Variants in CNOT6 observed in about 807,000 individuals in gnomAD.
The protein encoded by CNOT6 is CCR4-NOT transcription complex subunit 6.
Under a neutral mutation model 61.2 loss-of-function variants are expected in CNOT6, and 12 were observed. The ratio of observed to expected loss-of-function variants is 0.20; its 90% CI spans 0.13 to 0.32. The LOEUF is 0.32. Among genes scored for constraint, CNOT6 ranks in the 10% least tolerant of loss-of-function variants. The pLI is 1.00. For synonymous variants in CNOT6, 225 were observed against 240.6 expected, an observed-to-expected ratio of 0.94 and a Z score of 0.60; for missense variants, 405 against 663.9, an observed-to-expected ratio of 0.61 and a Z score of 4.28.
intron 3 of CNOT6, 65 bp downstream of exon 3, chr5:180,550,182 C>A: frequency 7.6e-7 from 1 of 1,315,514 alleles, no homozygotes; most frequent in Non-Finnish European, 1.1e-6. Flanking sequence ...AGGCCGGGCG[C>A]AGTGGCTTAT....
chr5:180,546,693 C>A (rs537963159), intron 2 of CNOT6, among the ~76,000 whole-genome samples: 1 of 152,104 alleles, frequency 6.6e-6, no homozygotes, highest in Non-Finnish European at 1.5e-5. Context: ...TTCTGGTGTT[C>A]GTTTCTGTTA....
Position 180,564,382 on chromosome 5 carries a change from A to G in CNOT6, c.386-107A>G, listed in dbSNP as rs530849080. The G allele has an allele frequency of 8.8e-5, 62 of 707,162 alleles. 1 individual carries two copies. In the African/African-American group the frequency reaches 1.0e-3, roughly 12 times the overall value. The allele number at this position is 707,162 out of a possible 1,614,324, so 43.8% of individuals were successfully genotyped here. On this transcript the variant is annotated intron_variant, in intron 4 of 11. Transcript: ENST00000261951. The stretch of plus-strand genomic sequence containing the variant: ...ATTTTCTATAGTCTGACATCTTACT[A>G]GTAACTATAACATAGTTATGGATGA...
At chr5:180,564,884 T>C in intron 6 of CNOT6, 141 bp downstream of exon 6, 2 of 659,530 alleles carry the variant, frequency 3.0e-6, no homozygotes, top group South Asian at 3.9e-5. Context: ...TAAAAAAGAA[T>C]TCTTGCTCAC....
chr5:180,497,345 A>T (rs1328470874), intron 1 of CNOT6, among the ~76,000 whole-genome samples: 1 of 148,096 alleles, frequency 6.8e-6, no homozygotes, highest in African/African-American at 2.5e-5. Flanking sequence ...AAAAAAAAGT[A>T]TGCATTTTGG....
intron 2 of CNOT6, among the ~76,000 whole-genome samples, chr5:180,549,574 G>A (rs1360870914): frequency 2.0e-5 from 3 of 151,980 alleles, no homozygotes; most frequent in East Asian, 1.9e-4. Flanking sequence ...GCATGAACCC[G>A]GGAGGCGGAG....
intron 2 of CNOT6, among the ~76,000 whole-genome samples, chr5:180,535,121 C>T (rs1481945507): frequency 6.6e-6 from 1 of 152,268 alleles, no homozygotes; most frequent in African/African-American, 2.4e-5. Flanking sequence ...AGAAGATGTG[C>T]TCACTGATTC....
chr5:180,569,423 T>A, intron 10 of CNOT6, 83 bp downstream of exon 10: 1 of 1,130,796 alleles, frequency 8.8e-7, no homozygotes, highest in Non-Finnish European at 1.3e-6. Flanking sequence ...CATTCCAAAT[T>A]AAGTCCAAAT....
chr5:180,571,185 CT>C lies in CNOT6; in HGVS notation c.1259-40del, dbSNP rs1760728641. On this transcript the variant is annotated intron_variant, in intron 10 of 11. Transcript: ENST00000261951. The stretch of plus-strand genomic sequence containing the variant: ...ACTATTGCATGATCTTTTAAAATTA[CT>C]TTTTGTATATATTTGACAATAAAAA... The C allele has an allele frequency of 2.3e-6, 3 of 1,327,310 alleles. No homozygotes were observed. The South Asian group carries it at 3.7e-5, about 17-fold the overall frequency. 82.2% of individuals were successfully genotyped at this position (1,327,310 alleles called of 1,614,324 possible).
chr5:180,550,789 C>G (rs1328352031), intron 3 of CNOT6, among the ~76,000 whole-genome samples: 11 of 152,114 alleles, frequency 7.2e-5, no homozygotes, highest in African/African-American at 2.7e-4. Flanking sequence ...GTTGGTGAAA[C>G]CTTTTTGCCA....
At chr5:180,522,249 C>G (rs1255028364) in intron 1 of CNOT6, among the ~76,000 whole-genome samples, 1 of 152,014 alleles carries the variant, frequency 6.6e-6, no homozygotes, top group East Asian at 1.9e-4. Flanking sequence ...GTAGCTGGGA[C>G]CACAGGTACA....
intron 1 of CNOT6, among the ~76,000 whole-genome samples, chr5:180,502,206 A>G (rs72811145): frequency 0.019 from 2,879 of 152,272 alleles, 38 homozygotes; most frequent in Non-Finnish European, 0.027. Context: ...CCCCTGATCT[A>G]TTGGTTGAAA....
rs1478466459 is a variant in CNOT6 at position 180,571,386 on chromosome 5, A to G, written c.1415A>G (p.Tyr472Cys). ...ITHGFKLQSA[Y>C]ESGLMPYTNY... ...CATGGTTTCAAGTTACAGAGTGCCT[A>G]TGAGAGTGGCCTGATGCCTTACACG... Residue 472 changes from tyrosine to cysteine, a missense_variant, in exon 11 of 12, where the codon TAT (tyrosine) becomes TGT (cysteine). Coordinates refer to ENST00000261951, the MANE Select transcript of CNOT6 (RefSeq NM_001370472.1). 2 of 1,614,074 alleles carry G rather than the reference A, an allele frequency of 1.2e-6. No homozygotes were observed. The highest frequency in any genetic ancestry group is 8.5e-7 in the Non-Finnish European group (1 of 1,180,012).
chr5:180,541,636 T>G (rs1280663088), intron 2 of CNOT6, among the ~76,000 whole-genome samples: 1 of 151,214 alleles, frequency 6.6e-6, no homozygotes, highest in African/African-American at 2.4e-5. Flanking sequence ...GTATTTTTAG[T>G]GAAGACGGGG....
At chr5:180,554,021 A>T (rs1342005062) in intron 4 of CNOT6, among the ~76,000 whole-genome samples, 1 of 152,242 alleles carries the variant, frequency 6.6e-6, no homozygotes, top group Non-Finnish European at 1.5e-5. Flanking sequence ...ATGCCTATAA[A>T]TTTTTTATCA....
rs1215460893 is a variant in CNOT6, at chr5:180,577,316, C to T, written c.*3116C>T. ...AAATGTTTAAATTAAAATTTCAAAG[C>T]TCTTTCGAGATTCAGGTTCTCAATA... On this transcript the variant is annotated 3_prime_UTR_variant, in exon 12 of 12. Transcript: ENST00000261951. 6.6e-6 allele frequency: 1 copy of T among 152,510 alleles called. No individual in the cohort carries two copies. The highest frequency in any genetic ancestry group is 1.5e-5 in the Non-Finnish European group (1 of 68,016). The allele number at this position is 152,510 out of a possible 1,614,324, so 9.4% of individuals were successfully genotyped here. A position where few individuals can be genotyped will look rare whatever the true frequency, so the allele number is the denominator to read the frequency against.
Position 180,577,431 on chromosome 5 carries a change from A to G in CNOT6, c.*3231A>G, listed in dbSNP as rs1581583329. ...GACTTGTAAGGTTTTGGGGTCATAT[A>G]TAAGGACTAAAGCCAAGCTAGGCAA... On this transcript the variant is annotated 3_prime_UTR_variant, in exon 12 of 12. Coordinates refer to ENST00000261951, the MANE Select transcript of CNOT6 (RefSeq NM_001370472.1). 1 of 152,746 alleles carries G rather than the reference A, an allele frequency of 6.5e-6. No homozygotes were observed. The highest frequency in any genetic ancestry group is 1.9e-4 in the East Asian group (1 of 5,190). The allele number at this position is 152,746 out of a possible 1,614,324, so 9.5% of individuals were successfully genotyped here. A position where few individuals can be genotyped will look rare whatever the true frequency, so the allele number is the denominator to read the frequency against.
intron 1 of CNOT6, among the ~76,000 whole-genome samples, chr5:180,505,123 T>A (rs963145380): frequency 2.6e-4 from 39 of 150,274 alleles, no homozygotes; most frequent in African/African-American, 6.1e-4. Context: ...CACACCCAGC[T>A]AATTTTTTTT....
chr5:180,544,762 C>T (rs1759227588), intron 2 of CNOT6, among the ~76,000 whole-genome samples: 1 of 152,164 alleles, frequency 6.6e-6, no homozygotes. Context: ...TAGGCATACC[C>T]TTCCCCTCTC....
At chr5:180,564,846 T>A in intron 6 of CNOT6, 103 bp downstream of exon 6, 1 of 883,670 alleles carries the variant, frequency 1.1e-6, no homozygotes, top group Non-Finnish European at 1.8e-6. Flanking sequence ...AGACAAAATG[T>A]TTAAGGTTGG....
Sources: gnomAD v4.1 joint callset for allele counts (sites outside exome capture counted in the v4.1 genomes callset) on GRCh38, gnomAD v4.1.1 for gene constraint, MANE v1.5 for transcripts, NCBI Gene and HGNC (gene_info 2026-07-23, HGNC 2026-07-21) for gene names.